The following NGEF variants were observed in gnomAD, a reference collection of about 807,000 sequenced individuals.
NGEF encodes neuronal guanine nucleotide exchange factor, also known as ephexin-1.
In NGEF, 31 loss-of-function variants were observed where a neutral mutation model predicts 80.9. The ratio of observed to expected loss-of-function variants is 0.38; its 90% CI spans 0.29 to 0.52. NGEF has a LOEUF of 0.52. Among genes scored for constraint, NGEF ranks in the 20% least tolerant of loss-of-function variants. The pLI, the probability that NGEF is intolerant of heterozygous loss-of-function variation, is 0.84. For synonymous variants in NGEF, 371 were observed against 370.2 expected (o/e 1.00, Z -0.03); for missense variants, 709 against 926.2 (o/e 0.77, Z 3.04).
chr2:232,951,012 C>T (rs925436643), intron 3 of NGEF, among the ~76,000 whole-genome samples: 5 of 152,188 alleles, frequency 3.3e-5, no homozygotes, highest in Admixed American at 6.5e-5. Flanking sequence ...TCAGACCCAG[C>T]GGCGTCCGGC....
chr2:232,936,460 C>G (rs1342576902), intron 3 of NGEF, among the ~76,000 whole-genome samples: 1 of 152,160 alleles, frequency 6.6e-6, no homozygotes, highest in Non-Finnish European at 1.5e-5. Flanking sequence ...TACCCAGGAG[C>G]CTTGGCCCAC....
intron 3 of NGEF, among the ~76,000 whole-genome samples, chr2:232,948,108 CA>C (rs1350439914): frequency 2.0e-5 from 3 of 150,174 alleles, no homozygotes; most frequent in Non-Finnish European, 3.0e-5. Flanking sequence ...ATTTTGAGGA[CA>C]ATTGGGGGCC....
At chr2:232,987,997 C>T (rs1439305742) in intron 1 of NGEF, among the ~76,000 whole-genome samples, 2 of 145,636 alleles carry the variant, frequency 1.4e-5, no homozygotes, top group Non-Finnish European at 3.0e-5. Context: ...CCCCCAGGGC[C>T]AGAGGGAGAT....
intron 1 of NGEF, among the ~76,000 whole-genome samples, chr2:233,010,516 C>T (rs1475966628): frequency 6.6e-6 from 1 of 152,202 alleles, no homozygotes; most frequent in Admixed American, 6.5e-5. Context: ...CTCCTCCATG[C>T]AGGCCTTGCT....
chr2:232,931,494 C>CA (rs1305330396), intron 3 of NGEF, among the ~76,000 whole-genome samples: 1 of 152,104 alleles, frequency 6.6e-6, no homozygotes, highest in Non-Finnish European at 1.5e-5. Context: ...AGCTGTTAAG[C>CA]AAAAAGTAAG....
At chr2:232,989,493 T>C (rs529178092) in intron 1 of NGEF, among the ~76,000 whole-genome samples, 82 of 152,256 alleles carry the variant, frequency 5.4e-4, no homozygotes, top group East Asian at 3.9e-4. Flanking sequence ...CAGAGTATTA[T>C]GTATTCAAAA....
intron 2 of NGEF, among the ~76,000 whole-genome samples, chr2:232,972,721 T>G (rs1158341575): frequency 1.3e-5 from 2 of 150,790 alleles, no homozygotes; most frequent in Non-Finnish European, 2.9e-5. Flanking sequence ...TGCTCCCACT[T>G]TCTCCCCAGC....
chr2:232,924,366 C>T (rs10210717), intron 4 of NGEF, among the ~76,000 whole-genome samples: 46,326 of 152,098 alleles, frequency 0.3, 7,336 homozygotes, highest in South Asian at 0.37. Context: ...CCTCAGCAGA[C>T]GCTGAATCTG....
intron 3 of NGEF, among the ~76,000 whole-genome samples, chr2:232,943,565 G>A (rs534332242): frequency 9.3e-5 from 14 of 149,854 alleles, no homozygotes; most frequent in South Asian, 2.1e-4. Flanking sequence ...GCGCGATCTC[G>A]GCTCACTGCA....
intron 3 of NGEF, among the ~76,000 whole-genome samples, chr2:232,967,829 C>G (rs1694097526): frequency 6.6e-6 from 1 of 152,082 alleles, no homozygotes. Context: ...TCACAATTCC[C>G]CAGTGCAGAT....
Position 232,883,345 on chromosome 2 carries a change from G to A in NGEF, c.1723C>T (p.Arg575Trp), listed in dbSNP as rs776926060. The change falls in exon 12 of 15, where the codon CGG becomes TGG. Residue 575 changes from arginine to tryptophan, a missense_variant. Coordinates refer to ENST00000264051, the MANE Select transcript of NGEF (RefSeq NM_019850.3). ...ILRLLENADDREATYMLKASS... is the reference protein window; with the variant it reads ...ILRLLENADDWEATYMLKASS... Reference sequence around the variant, plus strand: ...GCCTTTAGCATGTAGGTGGCCTCCCGGTCATCTGCGTTCTCCAGCAGCCGC... The same window carrying A: ...GCCTTTAGCATGTAGGTGGCCTCCCAGTCATCTGCGTTCTCCAGCAGCCGC... 6 of 1,611,392 alleles carry A rather than the reference G, an allele frequency of 3.7e-6. No homozygotes were observed. Among genetic ancestry groups the A allele is most frequent in the South Asian group, 1.1e-5 (1 of 90,774 alleles).
intron 7 of NGEF, among the ~76,000 whole-genome samples, chr2:232,891,911 C>T (rs1402163347): frequency 2.0e-5 from 3 of 151,990 alleles, no homozygotes; most frequent in Non-Finnish European, 2.9e-5. Context: ...TGGGCCACAG[C>T]GCTGATGAGG....
rs1341826811 is a variant in NGEF, at chr2:232,906,220, G to A, written c.829-11304C>T. ...CCGCCCCGTCCGGGAAGGAGGTGGGGGGGGGTCAGCCCCCCGCCCGGCCAG... is the reference window on the plus strand; with the variant it reads ...CCGCCCCGTCCGGGAAGGAGGTGGGAGGGGGTCAGCCCCCCGCCCGGCCAG... On this transcript the variant is annotated intron_variant, in intron 5 of 14. Coordinates refer to ENST00000264051, the MANE Select transcript of NGEF (RefSeq NM_019850.3). 5.2e-5 allele frequency among the ~76,000 whole-genome samples: 3 copies of A among 58,042 alleles called. 1 individual carries two copies. Among genetic ancestry groups the A allele is most frequent in the South Asian group, 1.0e-3 (2 of 1,946 alleles). 38.1% of individuals were successfully genotyped at this position (58,042 alleles called of 152,430 possible). A position where few individuals can be genotyped will look rare whatever the true frequency, so the allele number is the denominator to read the frequency against.
intron 13 of NGEF, 118 bp downstream of exon 13, chr2:232,882,068 C>G: frequency 1.1e-6 from 1 of 921,534 alleles, no homozygotes; most frequent in Non-Finnish European, 1.7e-6. Flanking sequence ...CCGTGCAGGC[C>G]TCTGAGACCA....
At chr2:233,007,064 A>G (rs946920182) in intron 1 of NGEF, among the ~76,000 whole-genome samples, 4 of 152,080 alleles carry the variant, frequency 2.6e-5, no homozygotes, top group African/African-American at 9.7e-5. Flanking sequence ...GTCAACATGG[A>G]GAAACCCCAT....
rs559691485 is a variant in NGEF, at chr2:232,979,515, C to G, written c.-74-4551G>C. ...TATAATTGCTTTGATTCGTCTATAA[C>G]GATTAACTGCCAGAAAACCCAGAAG... On this transcript the variant is annotated intron_variant, in intron 1 of 14. Transcript: ENST00000264051. 2.0e-5 allele frequency among the ~76,000 whole-genome samples: 3 copies of G among 152,144 alleles called. No individual in the cohort carries two copies. The South Asian group carries it at 6.2e-4, about 31-fold the overall frequency.
At chr2:232,950,413 G>A (rs917551418) in intron 3 of NGEF, among the ~76,000 whole-genome samples, 1 of 152,194 alleles carries the variant, frequency 6.6e-6, no homozygotes, top group African/African-American at 2.4e-5. Context: ...ATCAGTGATA[G>A]GCTGATAGGT....
In NGEF at chr2:232,995,419, A is replaced by G. The variant is rs1358682975; in HGVS notation, c.-75+17649T>C. 4.6e-4 allele frequency among the ~76,000 whole-genome samples: 2 copies of G among 4,362 alleles called. 1 individual carries two copies. The highest frequency in any genetic ancestry group is 7.7e-4 in the Non-Finnish European group (2 of 2,596). The allele number at this position is 4,362 out of a possible 152,430, so 2.9% of individuals were successfully genotyped here. A position where few individuals can be genotyped will look rare whatever the true frequency, so the allele number is the denominator to read the frequency against. On this transcript the variant is annotated intron_variant, in intron 1 of 14. Transcript: ENST00000264051. Reference sequence around the variant, plus strand: ...TACTGTATATATATACACAGTATGTATACTGTATACTGTATATATATACAC... The same window carrying G: ...TACTGTATATATATACACAGTATGTGTACTGTATACTGTATATATATACAC...
intron 1 of NGEF, among the ~76,000 whole-genome samples, chr2:232,986,934 A>G (rs1694543178): frequency 6.6e-6 from 1 of 152,224 alleles, no homozygotes. Flanking sequence ...TTTATAAGTC[A>G]AAAGACAAAA....
Sources: allele counts gnomAD v4.1 joint callset (sites outside exome capture counted in the v4.1 genomes callset), GRCh38; gene constraint gnomAD v4.1.1; transcripts MANE v1.5; gene names NCBI Gene and HGNC (gene_info 2026-07-23, HGNC 2026-07-21).